Variants in MMS22L observed in about 807,000 individuals in gnomAD.
MMS22L encodes the protein MMS22 like, DNA repair protein.
Under a neutral mutation model 159.1 loss-of-function variants are expected in MMS22L, and 74 were observed. That is an observed-to-expected ratio of 0.47 (90% confidence interval 0.39 to 0.56). The LOEUF (loss-of-function observed/expected upper bound fraction) is 0.56. Ranked by LOEUF, MMS22L falls within the 20% of genes least tolerant of loss-of-function variation. The pLI, the probability that MMS22L is intolerant of heterozygous loss-of-function variation, is 0.00. For synonymous variants in MMS22L, 517 were observed against 506.9 expected, an observed-to-expected ratio of 1.02 and a Z score of -0.27; for missense variants, 1,351 against 1,422.1, an observed-to-expected ratio of 0.95 and a Z score of 0.80.
intron 4 of MMS22L, among the ~76,000 whole-genome samples, chr6:97,273,272 TGCC>T (rs1815936902): frequency 6.6e-6 from 1 of 152,166 alleles, no homozygotes; most frequent in African/African-American, 2.4e-5. Context: ...TAATAGACAG[TGCC>T]TACCCTCAAG....
chr6:97,199,275 G>A (rs1806875663), intron 14 of MMS22L, among the ~76,000 whole-genome samples: 1 of 152,074 alleles, frequency 6.6e-6, no homozygotes, highest in Non-Finnish European at 1.5e-5. Flanking sequence ...GTCCATTTGT[G>A]AGCATTTTTC....
chr6:97,265,909 G>C (rs1815057652), intron 8 of MMS22L: 1 of 152,088 alleles, frequency 6.6e-6, no homozygotes, highest in Admixed American at 6.6e-5. Flanking sequence ...TTTTAGTAGA[G>C]ACGGGTTTCA....
At chr6:97,261,065 CAAGAA>C (rs1226376743) in intron 9 of MMS22L, 1 of 152,144 alleles carries the variant, frequency 6.6e-6, no homozygotes, top group African/African-American at 2.4e-5. Flanking sequence ...CTCCGATCTA[CAAGAA>C]AACTTTTTCA....
intron 14 of MMS22L, among the ~76,000 whole-genome samples, chr6:97,215,475 CCA>C (rs1050918507): frequency 7.2e-5 from 11 of 152,140 alleles, no homozygotes; most frequent in Admixed American, 2.0e-4. Flanking sequence ...TCTCATTCTC[CCA>C]CAGTGTTCTA....
chr6:97,154,424 A>C (rs1028931250), intron 22 of MMS22L, among the ~76,000 whole-genome samples: 2 of 152,092 alleles, frequency 1.3e-5, no homozygotes, highest in Admixed American at 1.3e-4. Flanking sequence ...CTTTCTTAAC[A>C]GTGTCCTTTG....
At chr6:97,242,528 A>G (rs1003917113) in intron 11 of MMS22L, among the ~76,000 whole-genome samples, 2 of 152,200 alleles carry the variant, frequency 1.3e-5, no homozygotes, top group African/African-American at 4.8e-5. Flanking sequence ...TTGGTTGGTG[A>G]ATTTTTATCC....
At chr6:97,232,501 CAT>C (rs1467540545) in intron 12 of MMS22L, among the ~76,000 whole-genome samples, 1 of 152,062 alleles carries the variant, frequency 6.6e-6, no homozygotes, top group Non-Finnish European at 1.5e-5. Flanking sequence ...GAGATTTAAA[CAT>C]ATTTAATATG....
At chr6:97,273,140 C>CCGG in intron 4 of MMS22L, 78 bp from the exon 5 acceptor site, 1 of 1,107,828 alleles carries the variant, frequency 9.0e-7, no homozygotes, top group Non-Finnish European at 1.3e-6. Context: ...GTAAGCCATA[C>CCGG]CGGCAGCAAT....
At chr6:97,184,139 T>C (rs1169545569) in intron 15 of MMS22L, among the ~76,000 whole-genome samples, 1 of 152,102 alleles carries the variant, frequency 6.6e-6, no homozygotes, top group East Asian at 1.9e-4. Context: ...TCAGACCTTA[T>C]CTCACTTGAT....
upstream of MMS22L, among the ~76,000 whole-genome samples, chr6:97,283,775 C>G (rs1428992521): frequency 6.6e-6 from 1 of 152,174 alleles, no homozygotes; most frequent in Non-Finnish European, 1.5e-5. Context: ...ATGAAACATT[C>G]ACTAAGCGAT....
Position 97,282,447 on chromosome 6 carries a change from G to C in MMS22L, c.31C>G (p.Leu11Val). ...AGCTCCAGCTCTAAGCTGTCAGTCA[G>C]GAACGTCGATGCAGCAGAACAGTTC... MENCSAASTF[L>V]TDSLELELGT... Residue 11 changes from leucine to valine, a missense_variant, in exon 2 of 25, where the codon CTG becomes GTG. Transcript: ENST00000683635. 6.2e-7 allele frequency: 1 copy of C among 1,613,850 alleles called. No homozygotes were observed. Among genetic ancestry groups the C allele is most frequent in the Non-Finnish European group, 8.5e-7 (1 of 1,179,980 alleles).
intron 12 of MMS22L, 81 bp from the exon 13 acceptor site, chr6:97,231,733 T>C (rs1010935910): frequency 6.0e-6 from 6 of 993,718 alleles, no homozygotes; most frequent in Non-Finnish European, 8.9e-6. Flanking sequence ...TCCCAGTTAG[T>C]TGGTTCATCA....
intron 20 of MMS22L, among the ~76,000 whole-genome samples, chr6:97,167,233 C>G (rs1287224242): frequency 6.6e-6 from 1 of 152,110 alleles, no homozygotes; most frequent in Non-Finnish European, 1.5e-5. Flanking sequence ...GGATTTCCCA[C>G]GTTAGTAAGT....
intron 22 of MMS22L, among the ~76,000 whole-genome samples, chr6:97,159,479 A>G (rs1802202450): frequency 6.6e-6 from 1 of 152,016 alleles, no homozygotes; most frequent in Non-Finnish European, 1.5e-5. Flanking sequence ...TTATTATATA[A>G]TATCTACAAA....
At chr6:97,266,802 G>C (rs1170246032) in intron 8 of MMS22L, 1 of 152,184 alleles carries the variant, frequency 6.6e-6, no homozygotes, top group Non-Finnish European at 1.5e-5. Flanking sequence ...TGAACTCATA[G>C]AAGCAGAGTA....
At chr6:97,175,683 C>T (rs35110304) in intron 18 of MMS22L, among the ~76,000 whole-genome samples, 14,736 of 152,100 alleles carry the variant, frequency 0.097, 1,421 homozygotes, top group African/African-American at 0.25. Flanking sequence ...AAAAATCACA[C>T]CTGCTAATAC....
intron 14 of MMS22L, among the ~76,000 whole-genome samples, chr6:97,201,673 T>C (rs1052529873): frequency 2.6e-5 from 4 of 152,208 alleles, no homozygotes; most frequent in Non-Finnish European, 5.9e-5. Flanking sequence ...AAGCAATATC[T>C]AGGTGAAACT....
At chr6:97,186,392 G>C in intron 15 of MMS22L, 105 bp downstream of exon 15, 1 of 843,578 alleles carries the variant, frequency 1.2e-6, no homozygotes. Flanking sequence ...CTTTCTGGCT[G>C]ACAAAATGTT....
At chr6:97,227,579 A>G (rs1322522016) in intron 14 of MMS22L, among the ~76,000 whole-genome samples, 1 of 152,232 alleles carries the variant, frequency 6.6e-6, no homozygotes, top group Non-Finnish European at 1.5e-5. Flanking sequence ...CCGCCATGAA[A>G]ACACGGCATA....
Sources: gnomAD v4.1 joint callset for allele counts (sites outside exome capture counted in the v4.1 genomes callset) on GRCh38, gnomAD v4.1.1 for gene constraint, MANE v1.5 for transcripts, NCBI Gene and HGNC (gene_info 2026-07-23, HGNC 2026-07-21) for gene names.